The following MKLN1 variants were observed in gnomAD, a reference collection of about 807,000 sequenced individuals.
MKLN1 encodes muskelin 1.
MKLN1 carries 18 observed loss-of-function variants against 99.0 expected under a neutral mutation model. That is an observed-to-expected ratio of 0.18 (90% CI 0.13 to 0.27). The LOEUF is 0.27. MKLN1 is among the 10% of genes least tolerant of loss of function. The pLI is 1.00. For synonymous variants in MKLN1, 288 were observed against 293.2 expected, an observed-to-expected ratio of 0.98 and a Z score of 0.18; for missense variants, 621 against 875.9, an observed-to-expected ratio of 0.71 and a Z score of 3.67.
chr7:131,392,907 A>AT lies in MKLN1; in HGVS notation c.400+3951dup, dbSNP rs761089064. Among the ~76,000 whole-genome samples, 441 of 142,326 alleles carry AT rather than the reference A, an allele frequency of 3.1e-3. 3 individuals carry two copies. The highest frequency in any genetic ancestry group is 7.3e-3 in the South Asian group (32 of 4,410). 93.4% of individuals were successfully genotyped at this position (142,326 alleles called of 152,430 possible). On this transcript the variant is annotated intron_variant, in intron 4 of 17. Coordinates refer to ENST00000352689, the MANE Select transcript of MKLN1 (RefSeq NM_013255.5). ...GGCGTGAGCCACTGCGCCTGGCCTA[A>AT]TTTTTTTTTTTTTTTTAAGAGGCAG... is the stretch of plus-strand genomic sequence containing the variant.
At chr7:131,428,916 T>G in intron 8 of MKLN1, 117 bp from the exon 9 acceptor site, 1 of 664,612 alleles carries the variant, frequency 1.5e-6, no homozygotes, top group South Asian at 2.2e-5. Flanking sequence ...AAAATTTTTA[T>G]TTTAAAATTT....
chr7:131,452,556 T>TG (rs1796212261), intron 12 of MKLN1, among the ~76,000 whole-genome samples: 1 of 135,244 alleles, frequency 7.4e-6, no homozygotes, highest in East Asian at 2.1e-4. Context: ...TTTTTTTTTT[T>TG]TTTTTTTTTT....
At chr7:131,237,657 G>A (rs535539596) in intron 3 of MKLN1, among the ~76,000 whole-genome samples, 7 of 152,300 alleles carry the variant, frequency 4.6e-5, no homozygotes, top group South Asian at 2.1e-4. Context: ...TGTGTGCCAC[G>A]TTTATGATAT....
At chr7:131,136,201 G>A (rs945385075) in intron 1 of MKLN1, among the ~76,000 whole-genome samples, 2 of 152,228 alleles carry the variant, frequency 1.3e-5, no homozygotes, top group Non-Finnish European at 2.9e-5. Flanking sequence ...TTGCAGGCAT[G>A]TGGGGTTCCT....
Position 131,116,022 on chromosome 7 carries a change from A to C in MKLN1, c.-419+5815A>C, listed in dbSNP as rs912830045. On this transcript the variant is annotated intron_variant, in intron 1 of 7. Transcript: ENST00000416992. Reference sequence around the variant, plus strand: ...ATCAGGCACTTAAAAAATATTAATTAGGGCCGGGCACGGTGGCTCACGCCT... The same window carrying C: ...ATCAGGCACTTAAAAAATATTAATTCGGGCCGGGCACGGTGGCTCACGCCT... Among the ~76,000 whole-genome samples the C allele has an allele frequency of 3.9e-5, 6 of 152,158 alleles. No homozygotes were observed. In the East Asian group the frequency reaches 1.2e-3, roughly 29 times the overall value.
At chr7:131,439,464 G>A (rs533996152) in intron 10 of MKLN1, among the ~76,000 whole-genome samples, 1 of 152,268 alleles carries the variant, frequency 6.6e-6, no homozygotes, top group East Asian at 1.9e-4. Flanking sequence ...CACTGGGGGT[G>A]AAGAAACAAG....
intron 6 of MKLN1, among the ~76,000 whole-genome samples, chr7:131,403,410 T>A (rs771987590): frequency 2.0e-4 from 30 of 152,208 alleles, no homozygotes; most frequent in Non-Finnish European, 3.5e-4. Context: ...CAGACCGCTC[T>A]AACTTTCTCC....
chr7:131,485,636 C>A (rs1797250874), intron 17 of MKLN1, among the ~76,000 whole-genome samples: 1 of 152,056 alleles, frequency 6.6e-6, no homozygotes, highest in Non-Finnish European at 1.5e-5. Flanking sequence ...ATACCACATG[C>A]CTTCTGAGGT....
chr7:131,429,134 A>G lies in MKLN1; in HGVS notation c.949A>G (p.Thr317Ala). The change falls in exon 9 of 18, where the codon ACT becomes GCT. Residue 317 changes from threonine (T) to alanine (A), a missense_variant. By Grantham distance (58) the Thr-to-Ala change is moderately conservative. Transcript: ENST00000352689. ...CCAGTGGACATGTATCTCTAGAGAC[A>G]CTGAAAAAGAGGCAAGTTCTCAGAC... Reference protein sequence around the residue: ...ENQWTCISRDTEKENGPSARS... With the variant: ...ENQWTCISRDAEKENGPSARS... 1 of 1,611,134 alleles carries G rather than the reference A, an allele frequency of 6.2e-7. No individual in the cohort carries two copies. Among genetic ancestry groups the G allele is most frequent in the Non-Finnish European group, 8.5e-7 (1 of 1,177,878 alleles).
chr7:131,265,661 C>T (rs945472876), intron 3 of MKLN1, among the ~76,000 whole-genome samples: 1 of 152,246 alleles, frequency 6.6e-6, no homozygotes, highest in African/African-American at 2.4e-5. Flanking sequence ...ACCCAGCTTC[C>T]GTTCCAGGTT....
In MKLN1 at chr7:131,440,957, A is replaced by G. The variant is rs1184810188; in HGVS notation, c.1174-2524A>G. Among the ~76,000 whole-genome samples, 3 of 152,330 alleles carry G rather than the reference A, an allele frequency of 2.0e-5. No homozygotes were observed. In the East Asian group the frequency reaches 5.8e-4, roughly 29 times the overall value. Reference sequence around the variant, plus strand: ...AGTAGACAAAATGATCAAGTCACCTATAAGAGAACTAAAATGAGACTGGTA... The same window carrying G: ...AGTAGACAAAATGATCAAGTCACCTGTAAGAGAACTAAAATGAGACTGGTA... On this transcript the variant is annotated intron_variant, in intron 10 of 17. Transcript: ENST00000352689.
intron 1 of MKLN1, among the ~76,000 whole-genome samples, chr7:131,132,891 A>ACT (rs1212500804): frequency 7.3e-6 from 1 of 137,116 alleles, no homozygotes; most frequent in Non-Finnish European, 1.5e-5. Context: ...AAGCCACTGC[A>ACT]CTCCAGCCTG....
intron 12 of MKLN1, among the ~76,000 whole-genome samples, chr7:131,456,450 C>G (rs1003036162): frequency 2.0e-5 from 3 of 152,182 alleles, no homozygotes; most frequent in African/African-American, 4.8e-5. Context: ...AAGGCTCACT[C>G]TCCCCCAGAT....
At chr7:131,295,771 G>A (rs949863347) in intron 3 of MKLN1, among the ~76,000 whole-genome samples, 10 of 151,882 alleles carry the variant, frequency 6.6e-5, no homozygotes, top group African/African-American at 1.9e-4. Context: ...TGTAGTGCCA[G>A]CTTCAAGGGA....
At chr7:131,434,379 T>G (rs114303859) in intron 9 of MKLN1, among the ~76,000 whole-genome samples, 34 of 152,308 alleles carry the variant, frequency 2.2e-4, no homozygotes, top group African/African-American at 7.9e-4. Flanking sequence ...AATCTTTTAC[T>G]TTCCATTTGT....
intron 1 of MKLN1, among the ~76,000 whole-genome samples, chr7:131,344,862 C>T (rs1025979670): frequency 8.6e-5 from 13 of 151,916 alleles, no homozygotes; most frequent in Non-Finnish European, 1.3e-4. Context: ...AGTGCAGTGG[C>T]GCCATCTTGG....
At chr7:131,419,246 A>ATT (rs1054663966) in intron 8 of MKLN1, among the ~76,000 whole-genome samples, 115 of 107,138 alleles carry the variant, frequency 1.1e-3, no homozygotes, top group Admixed American at 1.4e-3. Flanking sequence ...ATATATATAT[A>ATT]TTTTTGTTTT....
intron 3 of MKLN1, among the ~76,000 whole-genome samples, chr7:131,229,425 T>A (rs1797208193): frequency 6.6e-6 from 1 of 151,824 alleles, no homozygotes; most frequent in Non-Finnish European, 1.5e-5. Context: ...TTGAAAGAAA[T>A]GTCTGAGTTA....
chr7:131,239,194 T>C lies in MKLN1; in HGVS notation c.-179+36220T>C, dbSNP rs144197640. Among the ~76,000 whole-genome samples the C allele has an allele frequency of 6.0e-3, 920 of 152,340 alleles. 17 individuals are homozygous for C. Among genetic ancestry groups the C allele is most frequent in the African/African-American group, 0.021 (868 of 41,580 alleles). On this transcript the variant is annotated intron_variant, in intron 3 of 7. Coordinates refer to the MKLN1 transcript ENST00000416992. ...TTATTTCATTTATTTATATTCATAA[T>C]TGACTAATAAAAATCATATATATTT...
Sources: allele counts gnomAD v4.1 joint callset (sites outside exome capture counted in the v4.1 genomes callset), GRCh38; gene constraint gnomAD v4.1.1; transcripts MANE v1.5; gene names NCBI Gene and HGNC (gene_info 2026-07-23, HGNC 2026-07-21).